RABL2B: variants seen among roughly 807,000 people sequenced by gnomAD.
The protein encoded by RABL2B is RAB, member of RAS oncogene family like 2B.
RABL2B carries 17 observed loss-of-function variants against 26.7 expected under a neutral mutation model. The observed-to-expected ratio is 0.64, with a 90% CI of 0.44 to 0.95. The LOEUF (loss-of-function observed/expected upper bound fraction) is 0.95. RABL2B is among the 40% of genes least tolerant of loss of function. The probability of loss-of-function intolerance (pLI) is 0.00; values close to 1 mark genes in which losing one functional copy is unlikely to be tolerated. For missense variants in RABL2B, 170 were observed against 277.2 expected (o/e 0.61, Z 2.75); for synonymous variants, 70 against 103.9 (o/e 0.67, Z 1.99).
At position 50,778,449 on chromosome 22, in the gene RABL2B, G is replaced by A. The variant is rs550242909; in HGVS notation, c.108-468C>T. Among the ~76,000 whole-genome samples the A allele has an allele frequency of 3.6e-4, 55 of 151,744 alleles. 1 individual carries two copies. In the South Asian group the frequency reaches 1.0e-2, roughly 28 times the overall value. The stretch of plus-strand genomic sequence containing the variant: ...ATACAAAAAATTAGCCAGGTGTGGC[G>A]ACACACGCCTGTGATCCCAGCTACT... On this transcript the variant is annotated intron_variant, in intron 2 of 8. Coordinates refer to ENST00000691320, the MANE Select transcript of RABL2B (RefSeq NM_001130919.3).
intron 5 of RABL2B, chr22:50,773,130 T>C (rs1555920224): frequency 3.9e-6 from 5 of 1,272,608 alleles, no homozygotes; most frequent in Non-Finnish European, 5.2e-6. Context: ...AAAAGAGAGG[T>C]GAGCTCAAAA....
intron 5 of RABL2B, chr22:50,772,584 A>G: frequency 1.0e-6 from 1 of 999,626 alleles, no homozygotes; most frequent in Non-Finnish European, 1.2e-6. Flanking sequence ...TGCAAGCAAC[A>G]CGGTTCAAGC....
chr22:50,778,001 G>A lies in RABL2B; in HGVS notation c.108-20C>T, dbSNP rs1555925673. 1.2e-6 allele frequency: 2 copies of A among 1,613,904 alleles called. No homozygotes were observed. The highest frequency in any genetic ancestry group is 1.7e-5 in the Admixed American group (1 of 59,990). ...ATGAGTCTGTAAGCAGAACAGGCAA[G>A]GTGGTCAGATGGCGTCTCCATCTCT... On this transcript the variant is annotated intron_variant, in intron 2 of 8. Coordinates refer to ENST00000691320, the MANE Select transcript of RABL2B (RefSeq NM_001130919.3).
Position 50,769,613 on chromosome 22 carries a change from G to T in RABL2B, c.410-61C>A, listed in dbSNP as rs542191500. On this transcript the variant is annotated intron_variant, in intron 6 of 8. Coordinates refer to ENST00000691320, the MANE Select transcript of RABL2B (RefSeq NM_001130919.3). The stretch of plus-strand genomic sequence containing the variant: ...AAGGGAAGGGAAGAAGGTTTGGAGG[G>T]GGGGGCCACTGGAGGCCTTCATTCC... 184 of 1,610,440 alleles carry T rather than the reference G, an allele frequency of 1.1e-4. 1 individual carries two copies. Among genetic ancestry groups the T allele is most frequent in the South Asian group, 5.1e-4 (46 of 90,850 alleles).
Position 50,768,155 on chromosome 22 carries a change from G to T in RABL2B, c.*621C>A, listed in dbSNP as rs561215261. 5.1e-6 allele frequency: 1 copy of T among 195,796 alleles called. No individual in the cohort carries two copies. Among genetic ancestry groups the T allele is most frequent in the African/African-American group, 2.4e-5 (1 of 41,532 alleles). The allele number at this position is 195,796 out of a possible 1,614,324, so 12.1% of individuals were successfully genotyped here. ...CTCGGGAGGCTGAGGCAGGAGAATC[G>T]TTTGAACCAGGGAGTCAGAGGTTGC... On this transcript the variant is annotated 3_prime_UTR_variant, in exon 9 of 9. Transcript: ENST00000691320.
chr22:50,782,432 T>A (rs1427856948), intron 1 of RABL2B, 85 bp from the exon 2 acceptor site: 3 of 1,524,460 alleles, frequency 2.0e-6, no homozygotes, highest in South Asian at 2.4e-5. Context: ...CCAGACTGCT[T>A]CCCTCAGTGC....
Position 50,769,451 on chromosome 22 carries a change from A to G in RABL2B, c.507+4T>C, listed in dbSNP as rs782169155. On this transcript the variant is annotated splice_donor_region_variant and intron_variant, in intron 7 of 8. Transcript: ENST00000691320. ...TTGCTAGCTACCTCTGCAGTCAACC[A>G]CACCTTCACAACATTGGTACCATCA... 13 of 1,611,814 alleles carry G rather than the reference A, an allele frequency of 8.1e-6. No individual in the cohort carries two copies. In the African/African-American group the frequency reaches 1.7e-4, roughly 22 times the overall value.
chr22:50,773,849 G>A (rs2084555445), intron 5 of RABL2B, among the ~76,000 whole-genome samples: 1 of 151,982 alleles, frequency 6.6e-6, no homozygotes, highest in South Asian at 2.1e-4. Context: ...TAAGTGGGAG[G>A]TAGGGCTAGA....
chr22:50,767,644 A>G lies in RABL2B; in HGVS notation c.*1132T>C, dbSNP rs1318834282. 5.3e-6 allele frequency: 2 copies of G among 375,876 alleles called. No individual in the cohort carries two copies. The highest frequency in any genetic ancestry group is 2.2e-5 in the African/African-American group (1 of 45,982). 23.3% of individuals were successfully genotyped at this position (375,876 alleles called of 1,614,324 possible). A position where few individuals can be genotyped will look rare whatever the true frequency, so the allele number is the denominator to read the frequency against. The stretch of plus-strand genomic sequence containing the variant: ...AAGTACCAGAGAGGGGTGAACAGGC[A>G]TATCTGCTAGCTCTCCTCTTGCAGT... On this transcript the variant is annotated 3_prime_UTR_variant, in exon 9 of 9. Transcript: ENST00000691320.
chr22:50,779,602 G>C (rs536497420), intron 2 of RABL2B, among the ~76,000 whole-genome samples: 1 of 152,124 alleles, frequency 6.6e-6, no homozygotes, highest in African/African-American at 2.4e-5. Flanking sequence ...AACGGGAATG[G>C]AAGACCCTAA....
At chr22:50,777,869 C>T in intron 3 of RABL2B, 83 bp downstream of exon 3, 1 of 1,607,030 alleles carries the variant, frequency 6.2e-7, no homozygotes, top group African/African-American at 1.3e-5. Flanking sequence ...GCTGCTGGTA[C>T]AAAGGTGTGG....
At chr22:50,778,010 A>C (rs2085250992) in intron 2 of RABL2B, 29 bp from the exon 3 acceptor site, 1 of 1,613,940 alleles carries the variant, frequency 6.2e-7, no homozygotes, top group African/African-American at 1.3e-5. Flanking sequence ...AGGTGGTCAG[A>C]TGGCGTCTCC....
At chr22:50,769,203 A>G (rs1245324494) in intron 7 of RABL2B, 79 bp from the exon 8 acceptor site, 9 of 606,944 alleles carry the variant, frequency 1.5e-5, no homozygotes, top group African/African-American at 2.2e-5. Flanking sequence ...CTGTGAGACT[A>G]CACAATACTC....
intron 5 of RABL2B, chr22:50,773,131 G>T: frequency 7.9e-7 from 1 of 1,273,828 alleles, no homozygotes; most frequent in Non-Finnish European, 1.0e-6. Flanking sequence ...AAAGAGAGGT[G>T]AGCTCAAAAT....
At chr22:50,777,352 C>T (rs1273982499) in intron 3 of RABL2B, among the ~76,000 whole-genome samples, 1 of 150,434 alleles carries the variant, frequency 6.6e-6, no homozygotes, top group Non-Finnish European at 1.5e-5. Flanking sequence ...AACACATACT[C>T]AGATCTTAAG....
At chr22:50,770,438 A>T in intron 5 of RABL2B, 1 of 243,524 alleles carries the variant, frequency 4.1e-6, no homozygotes, top group Non-Finnish European at 8.1e-6. Flanking sequence ...AATTGCTTGA[A>T]CTAGGGAGAC....
At chr22:50,773,124 G>A (rs1417497567) in intron 5 of RABL2B, 2 of 1,272,360 alleles carry the variant, frequency 1.6e-6, no homozygotes, top group Admixed American at 2.3e-5. Context: ...AAGAGAAAAA[G>A]AGAGGTGAGC....
intron 5 of RABL2B, among the ~76,000 whole-genome samples, chr22:50,774,447 A>C (rs2238837): frequency 0.38 from 54,225 of 141,700 alleles, 11,499 homozygotes; most frequent in African/African-American, 0.48. Context: ...ATCAGCCCAA[A>C]TGACAAACTG....
At chr22:50,774,993 G>A (rs1317515944) in intron 5 of RABL2B, among the ~76,000 whole-genome samples, 1 of 152,186 alleles carries the variant, frequency 6.6e-6, no homozygotes, top group Non-Finnish European at 1.5e-5. Context: ...TGGCCAGGCT[G>A]GTCTCAAACT....
Sources: gnomAD v4.1 joint callset for allele counts (sites outside exome capture counted in the v4.1 genomes callset) on GRCh38, gnomAD v4.1.1 for gene constraint, MANE v1.5 for transcripts, NCBI Gene and HGNC (gene_info 2026-07-23, HGNC 2026-07-21) for gene names.